The following SCO1 variants were observed in gnomAD, a reference collection of about 807,000 sequenced individuals.
SCO1 encodes synthesis of cytochrome C oxidase 1, also known as cytochrome c oxidase assembly factor SCO1.
SCO1 carries 23 observed loss-of-function variants against 34.0 expected under a neutral mutation model. The ratio of observed to expected loss-of-function variants is 0.68; its 90% CI spans 0.49 to 0.96. SCO1 has a LOEUF of 0.96. Among genes scored for constraint, SCO1 ranks in the 40% least tolerant of loss-of-function variants. The probability of loss-of-function intolerance (pLI) is 0.00; values close to 1 mark genes in which losing one functional copy is unlikely to be tolerated. For synonymous variants in SCO1, 161 were observed against 145.5 expected (o/e 1.11, Z -0.77); for missense variants, 404 against 381.6 (o/e 1.06, Z -0.49).
rs949054217 is a variant in SCO1, at chr17:10,675,790, C to T, written c.*5329G>A. The T allele has an allele frequency of 8.5e-5, 13 of 152,110 alleles. No homozygotes were observed. Among genetic ancestry groups the T allele is most frequent in the Admixed American group, 8.5e-4 (13 of 15,268 alleles). 9.4% of individuals were successfully genotyped at this position (152,110 alleles called of 1,614,324 possible). ...AATGCGTTAGTCTTTTTAAACTGGT[C>T]CAACCTGAATAACGCCACCCTATGT... On this transcript the variant is annotated 3_prime_UTR_variant, in exon 6 of 6. Transcript: ENST00000255390.
At position 10,684,635 on chromosome 17, in the gene SCO1, A is replaced by G. The variant is rs560371362; in HGVS notation, c.771+2092T>C. Reference sequence around the variant, plus strand: ...TGACTCTGAGTTATGAGTTCTAAGCATCAAGACTATGGAGTGTTACCTAGT... The same window carrying G: ...TGACTCTGAGTTATGAGTTCTAAGCGTCAAGACTATGGAGTGTTACCTAGT... On this transcript the variant is annotated intron_variant, in intron 5 of 5. Transcript: ENST00000255390. 2.0e-5 allele frequency among the ~76,000 whole-genome samples: 3 copies of G among 152,366 alleles called. No homozygotes were observed. In the South Asian group the frequency reaches 6.2e-4, roughly 32 times the overall value.
At position 10,680,053 on chromosome 17, in the gene SCO1, T is replaced by A. The variant is rs1360479267; in HGVS notation, c.*1066A>T. ...GCCCTGGCCTCCCAAAGTTTTGGGA[T>A]TATAGGCATTAGCCATTGTGCCAGG... On this transcript the variant is annotated 3_prime_UTR_variant, in exon 6 of 6. Coordinates refer to ENST00000255390, the MANE Select transcript of SCO1 (RefSeq NM_004589.4). 6.6e-6 allele frequency: 1 copy of A among 152,240 alleles called. No homozygotes were observed. Among genetic ancestry groups the A allele is most frequent in the African/African-American group, 2.4e-5 (1 of 41,416 alleles). 9.4% of individuals were successfully genotyped at this position (152,240 alleles called of 1,614,324 possible). A position where few individuals can be genotyped will look rare whatever the true frequency, so the allele number is the denominator to read the frequency against.
intron 5 of SCO1, among the ~76,000 whole-genome samples, chr17:10,685,803 CT>C (rs2074651815): frequency 6.6e-6 from 1 of 152,218 alleles, no homozygotes; most frequent in South Asian, 2.1e-4. Context: ...ATGATGGCTT[CT>C]CTTTATTTCC....
Position 10,675,659 on chromosome 17 carries a change from A to T in SCO1, c.*5460T>A, listed in dbSNP as rs201617. On this transcript the variant is annotated 3_prime_UTR_variant, in exon 6 of 6. Transcript: ENST00000255390. ...GAGTTAAGCACTATTCTGACTTTTAACACGATGGGTTAGTTTTCCCTGTTC... is the reference window on the plus strand; with the variant it reads ...GAGTTAAGCACTATTCTGACTTTTATCACGATGGGTTAGTTTTCCCTGTTC... 77,149 of 152,076 alleles carry T rather than the reference A, an allele frequency of 0.51. 20,382 individuals are homozygous for T. The highest frequency in any genetic ancestry group is 0.65 in the African/African-American group (27,114 of 41,460). 9.4% of individuals were successfully genotyped at this position (152,076 alleles called of 1,614,324 possible).
rs201622 is a variant in SCO1 at position 10,674,717 on chromosome 17, G to C, written c.*6402C>G. The C allele has an allele frequency of 0.5, 76,135 of 152,314 alleles. 19,763 individuals carry two copies. The highest frequency in any genetic ancestry group is 0.64 in the African/African-American group (26,433 of 41,440). 9.4% of individuals were successfully genotyped at this position (152,314 alleles called of 1,614,324 possible). On this transcript the variant is annotated 3_prime_UTR_variant, in exon 6 of 6. Coordinates refer to ENST00000255390, the MANE Select transcript of SCO1 (RefSeq NM_004589.4). The stretch of plus-strand genomic sequence containing the variant: ...CACCTCAAGGTCCTCACGAAACCTT[G>C]GTGGCCAAGGCCCTTGGTATGACCT...
chr17:10,691,939 T>A lies in SCO1; in HGVS notation c.588A>T (p.Leu196=). Residue 196 remains leucine (L), a synonymous_variant, in exon 4 of 6, where the codon CTA becomes CTT. Transcript: ENST00000255390. ...EIDSITTLPD[L]TPLFISIDPE... Reference sequence around the variant, plus strand: ...GGTCAATGCTGATGAAAAGTGGAGTTAGATCTGGCAGAGTTGTAATGCTAT... The same window carrying A: ...GGTCAATGCTGATGAAAAGTGGAGTAAGATCTGGCAGAGTTGTAATGCTAT... 6.2e-7 allele frequency: 1 copy of A among 1,613,356 alleles called. No homozygotes were observed. The highest frequency in any genetic ancestry group is 8.5e-7 in the Non-Finnish European group (1 of 1,179,304).
rs937748406 is a variant in SCO1, at chr17:10,675,769, C to G, written c.*5350G>C. 1 of 152,066 alleles carries G rather than the reference C, an allele frequency of 6.6e-6. No homozygotes were observed. Among genetic ancestry groups the G allele is most frequent in the Non-Finnish European group, 1.5e-5 (1 of 68,030 alleles). 9.4% of individuals were successfully genotyped at this position (152,066 alleles called of 1,614,324 possible). On this transcript the variant is annotated 3_prime_UTR_variant, in exon 6 of 6. Transcript: ENST00000255390. ...AAACACCCAACAACGAGGACAAATG[C>G]GTTAGTCTTTTTAAACTGGTCCAAC... is the stretch of plus-strand genomic sequence containing the variant.
chr17:10,697,109 C>G, intron 1 of SCO1, 126 bp downstream of exon 1: 1 of 911,656 alleles, frequency 1.1e-6, no homozygotes, highest in South Asian at 1.8e-5. Flanking sequence ...CCAGGTAAGG[C>G]GCGCAAGCTA....
chr17:10,695,776 G>T lies in SCO1; in HGVS notation c.329C>A (p.Ala110Asp). The T allele has an allele frequency of 6.2e-7, 1 of 1,613,510 alleles. No homozygotes were observed. The change falls in exon 2 of 6, where the codon GCT becomes GAT. Residue 110 changes from alanine (A) to aspartate (D), a missense_variant. Physicochemically the swap from Ala to Asp is moderately radical, Grantham distance 126. Coordinates refer to ENST00000255390, the MANE Select transcript of SCO1 (RefSeq NM_004589.4). The stretch of plus-strand genomic sequence containing the variant: ...TTCTTTCTTGACGTGCTTCATTCCA[G>T]CCAGTAAAGCTCCTCCAATAGCAAA... The part of the protein sequence containing the change: ...ITFAIGGALL[A>D]GMKHVKKEKA...
chr17:10,691,685 T>C (rs549604669), intron 4 of SCO1, among the ~76,000 whole-genome samples, 187 bp downstream of exon 4: 1 of 152,326 alleles, frequency 6.6e-6, no homozygotes, highest in African/African-American at 2.4e-5. Flanking sequence ...CATCAGGAAT[T>C]GAGAAACCCA....
At chr17:10,691,136 T>C (rs1326048716) in intron 4 of SCO1, among the ~76,000 whole-genome samples, 4 of 152,186 alleles carry the variant, frequency 2.6e-5, no homozygotes. Context: ...TTATTTATCT[T>C]TAAGACAGAG....
At chr17:10,696,071 TAAAAAA>T (rs869243005) in intron 1 of SCO1, among the ~76,000 whole-genome samples, 45 of 73,024 alleles carry the variant, frequency 6.2e-4, no homozygotes, top group East Asian at 3.5e-3. Context: ...TTCATGTAAA[TAAAAAA>T]AAAAAAAAAA....
chr17:10,691,842 A>G, intron 4 of SCO1, 30 bp downstream of exon 4: 1 of 1,447,710 alleles, frequency 6.9e-7, no homozygotes, highest in African/African-American at 1.4e-5. Flanking sequence ...TTAAGGCTAA[A>G]TAAATGTAAA....
In SCO1 at chr17:10,680,774, C is replaced by CT. The variant is rs2074616369; in HGVS notation, c.*344_*345insA. On this transcript the variant is annotated 3_prime_UTR_variant, in exon 6 of 6. Transcript: ENST00000255390. ...GCAAGGGCCCAAGACGATGGAGAGG[C>CT]GGCAAAGCTGCTGGGAGGGCCTGTT... The CT allele has an allele frequency of 1.6e-5, 6 of 370,900 alleles. No homozygotes were observed. The highest frequency in any genetic ancestry group is 1.6e-4 in the South Asian group (6 of 38,006). The allele number at this position is 370,900 out of a possible 1,614,324, so 23.0% of individuals were successfully genotyped here. A position where few individuals can be genotyped will look rare whatever the true frequency, so the allele number is the denominator to read the frequency against.
intron 3 of SCO1, 46 bp from the exon 4 acceptor site, chr17:10,692,010 A>C (rs1430520473): frequency 7.3e-7 from 1 of 1,366,892 alleles, no homozygotes; most frequent in Admixed American, 1.7e-5. Context: ...CTAAGGGAAA[A>C]GACAAAGAAA....
intron 5 of SCO1, 32 bp from the exon 6 acceptor site, chr17:10,681,285 G>T: frequency 1.9e-6 from 3 of 1,612,124 alleles, no homozygotes; most frequent in Non-Finnish European, 1.7e-6. Context: ...GTGTGACAAA[G>T]ATTACCAAAA....
intron 1 of SCO1, among the ~76,000 whole-genome samples, chr17:10,696,121 A>G (rs1047450314): frequency 7.0e-6 from 1 of 143,262 alleles, no homozygotes; most frequent in Non-Finnish European, 1.5e-5. Flanking sequence ...GATTGTTACT[A>G]TGTGTGACCC....
chr17:10,683,497 T>C (rs751877990), intron 5 of SCO1, among the ~76,000 whole-genome samples: 25 of 152,142 alleles, frequency 1.6e-4, no homozygotes, highest in Non-Finnish European at 8.8e-5. Flanking sequence ...TTAATTCCTA[T>C]CAACAATGCA....
chr17:10,680,882 A>G lies in SCO1; in HGVS notation c.*237T>C, dbSNP rs1487383216. ...TCTTCACTGGCTTCACTTCAGCTTG[A>G]TCCTCTGGTCTCCCCACAGCTTCCT... is the stretch of plus-strand genomic sequence containing the variant. On this transcript the variant is annotated 3_prime_UTR_variant, in exon 6 of 6. Transcript: ENST00000255390. The G allele has an allele frequency of 1.8e-6, 1 of 554,248 alleles. No homozygotes were observed. Among genetic ancestry groups the G allele is most frequent in the Non-Finnish European group, 3.2e-6 (1 of 311,644 alleles). 34.3% of individuals were successfully genotyped at this position (554,248 alleles called of 1,614,324 possible).
Sources: allele counts gnomAD v4.1 joint callset (sites outside exome capture counted in the v4.1 genomes callset), GRCh38; gene constraint gnomAD v4.1.1; transcripts MANE v1.5; gene names NCBI Gene and HGNC (gene_info 2026-07-23, HGNC 2026-07-21).